ESRP1: variants seen among roughly 807,000 people sequenced by gnomAD.
ESRP1 encodes the protein epithelial splicing regulatory protein 1.
In ESRP1, 33 loss-of-function variants were observed where a neutral mutation model predicts 81.7. The ratio of observed to expected loss-of-function variants is 0.40; its 90% CI spans 0.31 to 0.54. ESRP1 has a LOEUF of 0.54. ESRP1 is among the 20% of genes least tolerant of loss of function. The pLI, the probability that ESRP1 is intolerant of heterozygous loss-of-function variation, is 0.41. For synonymous variants in ESRP1, 320 were observed against 303.3 expected (o/e 1.06, Z -0.57); for missense variants, 672 against 833.1 (o/e 0.81, Z 2.38).
At chr8:94,675,008 A>T (rs1222769780) in intron 12 of ESRP1, among the ~76,000 whole-genome samples, 1 of 152,206 alleles carries the variant, frequency 6.6e-6, no homozygotes, top group African/African-American at 2.4e-5. Context: ...TGAGCAAGTG[A>T]GCAAAAACAA....
chr8:94,642,160 C>A, intron 2 of ESRP1, 76 bp downstream of exon 2: 2 of 1,527,214 alleles, frequency 1.3e-6, no homozygotes, highest in East Asian at 2.3e-5. Context: ...TCAGGGCGGC[C>A]CACGCGTGTT....
intron 15 of ESRP1, among the ~76,000 whole-genome samples, chr8:94,702,084 C>T (rs1383432461): frequency 6.6e-6 from 1 of 152,184 alleles, no homozygotes; most frequent in Non-Finnish European, 1.5e-5. Flanking sequence ...TGAATGAAAA[C>T]AAGTTTTACA....
chr8:94,669,196 G>A (rs919070), intron 10 of ESRP1, among the ~76,000 whole-genome samples: 99,093 of 151,944 alleles, frequency 0.65, 33,483 homozygotes, highest in East Asian at 0.79. Flanking sequence ...TTCTTGACTT[G>A]CCAGCTACCA....
chr8:94,691,406 A>T (rs569709728), intron 13 of ESRP1, among the ~76,000 whole-genome samples: 3 of 152,230 alleles, frequency 2.0e-5, no homozygotes, highest in African/African-American at 7.2e-5. Context: ...CATTATTTTT[A>T]AAATGATGAA....
At chr8:94,685,459 G>A (rs1268207569) in intron 13 of ESRP1, among the ~76,000 whole-genome samples, 1 of 152,146 alleles carries the variant, frequency 6.6e-6, no homozygotes, top group Admixed American at 6.5e-5. Context: ...GCAGTGAGCT[G>A]TGATTGTGCC....
chr8:94,654,940 AAAGT>A (rs912011721), intron 4 of ESRP1, among the ~76,000 whole-genome samples: 1 of 151,908 alleles, frequency 6.6e-6, no homozygotes, highest in Admixed American at 6.6e-5. Flanking sequence ...AAAGAAAAAA[AAAGT>A]AAGCTGAGAA....
intron 11 of ESRP1, among the ~76,000 whole-genome samples, chr8:94,672,536 CTTTT>C (rs556057261): frequency 6.8e-6 from 1 of 145,986 alleles, no homozygotes; most frequent in African/African-American, 2.5e-5. Context: ...AACTTTGGAA[CTTTT>C]TTTTTTTTTT....
intron 14 of ESRP1, among the ~76,000 whole-genome samples, chr8:94,695,599 G>A (rs185439773): frequency 2.0e-4 from 30 of 151,094 alleles, no homozygotes; most frequent in African/African-American, 6.6e-4. Context: ...TCCTGACCTC[G>A]TGACCCGCCT....
intron 15 of ESRP1, among the ~76,000 whole-genome samples, chr8:94,697,305 C>T (rs542972209): frequency 1.3e-5 from 2 of 152,294 alleles, no homozygotes; most frequent in South Asian, 4.1e-4. Context: ...AACTCATTTA[C>T]AACTCAGTGG....
intron 4 of ESRP1, among the ~76,000 whole-genome samples, chr8:94,657,064 G>A (rs904521370): frequency 4.6e-5 from 7 of 152,178 alleles, no homozygotes; most frequent in African/African-American, 1.7e-4. Flanking sequence ...TGTCCCTCCT[G>A]TTAATATATA....
At chr8:94,659,664 A>T (rs1818620108) in intron 4 of ESRP1, among the ~76,000 whole-genome samples, 1 of 152,216 alleles carries the variant, frequency 6.6e-6, no homozygotes, top group Admixed American at 6.5e-5. Flanking sequence ...GCACCAAATG[A>T]TTTGTCAAGT....
At chr8:94,699,507 G>A (rs1189817532) in intron 15 of ESRP1, among the ~76,000 whole-genome samples, 1 of 152,022 alleles carries the variant, frequency 6.6e-6, no homozygotes, top group East Asian at 1.9e-4. Context: ...TTACCTAGGT[G>A]TGGTGGCATT....
intron 10 of ESRP1, among the ~76,000 whole-genome samples, chr8:94,669,005 C>T (rs1475621081): frequency 6.6e-6 from 1 of 152,098 alleles, no homozygotes; most frequent in Non-Finnish European, 1.5e-5. Flanking sequence ...AGGCTGTTCT[C>T]GAACTCCTGA....
Position 94,641,652 on chromosome 8 carries a change from T to C in ESRP1, c.132+202T>C, listed in dbSNP as rs994099476. ...TGGAGCCATTTCAGTCCTCCGCAACTTAGCTCAGGTGGAGAGGCCGGCGCT... is the reference window on the plus strand; with the variant it reads ...TGGAGCCATTTCAGTCCTCCGCAACCTAGCTCAGGTGGAGAGGCCGGCGCT... On this transcript the variant is annotated intron_variant, in intron 1 of 15. Coordinates refer to ENST00000433389, the MANE Select transcript of ESRP1 (RefSeq NM_017697.4). The C allele has an allele frequency of 2.6e-4, 202 of 776,554 alleles. 1 individual carries two copies. Among genetic ancestry groups the C allele is most frequent in the Middle Eastern group, 1.1e-3 (3 of 2,614 alleles). The allele number at this position is 776,554 out of a possible 1,614,324, so 48.1% of individuals were successfully genotyped here. A position where few individuals can be genotyped will look rare whatever the true frequency, so the allele number is the denominator to read the frequency against.
intron 4 of ESRP1, chr8:94,649,459 A>T (rs771581239): frequency 6.6e-6 from 1 of 151,964 alleles, no homozygotes; most frequent in Non-Finnish European, 1.5e-5. Flanking sequence ...GCCTCTTGAG[A>T]AGTTTGGATT....
intron 13 of ESRP1, among the ~76,000 whole-genome samples, chr8:94,689,634 G>T (rs945409931): frequency 1.3e-5 from 2 of 151,674 alleles, no homozygotes; most frequent in Non-Finnish European, 2.9e-5. Context: ...ATCCACAAAA[G>T]ACCTTAAGAT....
intron 13 of ESRP1, among the ~76,000 whole-genome samples, chr8:94,684,438 T>C (rs1399104076): frequency 1.3e-5 from 2 of 152,150 alleles, no homozygotes; most frequent in African/African-American, 4.8e-5. Flanking sequence ...CTTGTTAATT[T>C]CAGATGAAAA....
chr8:94,684,095 C>G (rs1401639582), intron 13 of ESRP1, among the ~76,000 whole-genome samples: 3 of 152,118 alleles, frequency 2.0e-5, no homozygotes, highest in Non-Finnish European at 4.4e-5. Context: ...GCTGTACTAG[C>G]CTCGGCCTCC....
chr8:94,670,742 T>A (rs1258412663), intron 10 of ESRP1, among the ~76,000 whole-genome samples: 1 of 152,246 alleles, frequency 6.6e-6, no homozygotes, highest in Non-Finnish European at 1.5e-5. Context: ...TCATCATCCA[T>A]TTCCAAGATA....
Sources: gnomAD v4.1 joint callset for allele counts (sites outside exome capture counted in the v4.1 genomes callset) on GRCh38, gnomAD v4.1.1 for gene constraint, MANE v1.5 for transcripts, NCBI Gene and HGNC (gene_info 2026-07-23, HGNC 2026-07-21) for gene names.